Variants in CFAP47 observed in about 807,000 individuals in gnomAD.
The protein encoded by CFAP47 is cilia and flagella associated protein 47.
Under a neutral mutation model 148.1 loss-of-function variants are expected in CFAP47, and 29 were observed. The observed-to-expected ratio is 0.20, with a 90% confidence interval of 0.15 to 0.27. The LOEUF (loss-of-function observed/expected upper bound fraction) is 0.27, where lower values mean the gene tolerates loss of function less well. Ranked by LOEUF, CFAP47 falls within the 10% of genes least tolerant of loss-of-function variation. The pLI, the probability that CFAP47 is intolerant of heterozygous loss-of-function variation, is 1.00. For synonymous variants in CFAP47, 664 were observed against 577.3 expected (o/e 1.15, Z -2.15); for missense variants, 1,872 against 1,697.5 (o/e 1.10, Z -1.81).
intron 62 of CFAP47, among the ~76,000 whole-genome samples, chrX:36,371,764 G>A (rs868916517): frequency 1.3e-3 from 64 of 50,271 alleles, no homozygotes; most frequent in Non-Finnish European, 1.6e-3. Context: ...ACACATGTGT[G>A]TATATACACA....
chrX:36,314,014 C>A (rs1941414109), intron 56 of CFAP47, among the ~76,000 whole-genome samples: 1 of 111,190 alleles, frequency 9.0e-6, no homozygotes, highest in African/African-American at 3.3e-5. Context: ...AATAAAATAC[C>A]CAAATTTCTA....
chrX:36,352,832 G>T lies in CFAP47; in HGVS notation c.8699-697G>T, dbSNP rs782267299. On this transcript the variant is annotated intron_variant, in intron 59 of 63. Transcript: ENST00000378653. ...TAAAATATTGGAATTTAATACATAT[G>T]AAATATATTTATATATATATATTTA... Among the ~76,000 whole-genome samples the T allele has an allele frequency of 1.5e-4, 16 of 108,519 alleles. No individual in the cohort carries two copies. In the South Asian group the frequency reaches 6.0e-3, roughly 41 times the overall value. 94.2% of individuals were successfully genotyped at this position (108,519 alleles called of 115,157 possible).
chrX:36,239,236 T>C (rs1555995496), intron 48 of CFAP47, among the ~76,000 whole-genome samples: 1 of 112,525 alleles, frequency 8.9e-6, no homozygotes, highest in Non-Finnish European at 1.9e-5. Context: ...GTAAATTCAT[T>C]TTTTAAAGAA....
chrX:36,275,713 G>C (rs1300943049), intron 49 of CFAP47, among the ~76,000 whole-genome samples: 2 of 110,769 alleles, frequency 1.8e-5, no homozygotes, highest in Non-Finnish European at 3.8e-5. Flanking sequence ...TCTAGAATGA[G>C]TTAGTAAGTG....
chrX:36,158,708 G>C (rs1309817255), intron 37 of CFAP47, among the ~76,000 whole-genome samples: 3 of 111,903 alleles, frequency 2.7e-5, no homozygotes, highest in African/African-American at 9.7e-5. Context: ...TCCTAGAGCA[G>C]CAATTCGTGA....
chrX:36,166,808 TC>T (rs1261549704), intron 39 of CFAP47, among the ~76,000 whole-genome samples: 1 of 111,313 alleles, frequency 9.0e-6, no homozygotes, highest in Non-Finnish European at 1.9e-5. Flanking sequence ...GATGTCTATC[TC>T]CCCCTGCTCA....
chrX:35,983,459 G>A lies in CFAP47; in HGVS notation c.2714-5860G>A, dbSNP rs769180960. 5.5e-4 allele frequency among the ~76,000 whole-genome samples: 61 copies of A among 111,565 alleles called. No individual in the cohort carries two copies. The Middle Eastern group carries it at 0.019, about 34-fold the overall frequency. On this transcript the variant is annotated intron_variant, in intron 15 of 63. Coordinates refer to ENST00000378653, the MANE Select transcript of CFAP47 (RefSeq NM_001304548.2). ...TTTTATTTATTTCTCTTGCTTGATT[G>A]CTCTGGCTAGGACTTCTAGCACTAC...
At position 36,365,413 on chromosome X, in the gene CFAP47, G is replaced by A. The variant is rs1004583147; in HGVS notation, c.9024-1553G>A. Reference sequence around the variant, plus strand: ...TACATCACTTCTTGAAATCTTAGAGGCATTTCTCCAGAGGAAAGTACCAAT... The same window carrying A: ...TACATCACTTCTTGAAATCTTAGAGACATTTCTCCAGAGGAAAGTACCAAT... On this transcript the variant is annotated intron_variant, in intron 61 of 63. Coordinates refer to ENST00000378653, the MANE Select transcript of CFAP47 (RefSeq NM_001304548.2). Among the ~76,000 whole-genome samples the A allele has an allele frequency of 3.6e-5, 4 of 110,099 alleles. No homozygotes were observed. In the East Asian group the frequency reaches 8.6e-4, roughly 24 times the overall value.
At position 35,977,652 on chromosome X, in the gene CFAP47, T is replaced by C. The variant is rs138735887; in HGVS notation, c.2713+1739T>C. Among the ~76,000 whole-genome samples the C allele has an allele frequency of 4.8e-3, 538 of 111,653 alleles. 3 individuals are homozygous for C. The highest frequency in any genetic ancestry group is 0.017 in the African/African-American group (513 of 30,744). ...TTAGGGTCTAAATAGAAATATACTA[T>C]ACTTCATATTTCAGACGAGTCCTGG... is the stretch of plus-strand genomic sequence containing the variant. On this transcript the variant is annotated intron_variant, in intron 15 of 63. Transcript: ENST00000378653.
chrX:36,233,224 C>T (rs1940395639), intron 46 of CFAP47, among the ~76,000 whole-genome samples: 1 of 111,159 alleles, frequency 9.0e-6, no homozygotes, highest in East Asian at 2.8e-4. Context: ...GTGTTAAAGT[C>T]TCCCATTATT....
chrX:36,201,173 A>G, intron 43 of CFAP47, 101 bp from the exon 44 acceptor site: 1 of 292,032 alleles, frequency 3.4e-6, no homozygotes. Flanking sequence ...AATGACCATA[A>G]CTGCAATTTT....
rs1358514000 is a variant in CFAP47, at chrX:35,993,183, A to T, written c.2968-7A>T. ...AATGTATCATTTCTGCAAATTTTCA[A>T]TTACAGGTTTGTAGTCAGAGTCTTT... On this transcript the variant is annotated splice_region_variant and splice_polypyrimidine_tract_variant and intron_variant, in intron 17 of 63. Transcript: ENST00000378653. The T allele has an allele frequency of 3.4e-6, 1 of 293,344 alleles. No individual in the cohort carries two copies. Among genetic ancestry groups the T allele is most frequent in the African/African-American group, 2.7e-5 (1 of 36,388 alleles). The allele number at this position is 293,344 out of a possible 1,213,427, so 24.2% of individuals were successfully genotyped here. A position where few individuals can be genotyped will look rare whatever the true frequency, so the allele number is the denominator to read the frequency against.
At chrX:36,118,051 A>G (rs1158046490) in intron 33 of CFAP47, among the ~76,000 whole-genome samples, 1 of 111,506 alleles carries the variant, frequency 9.0e-6, no homozygotes, top group Non-Finnish European at 1.9e-5. Context: ...AGCTCACTGT[A>G]GATATGTGGA....
intron 50 of CFAP47, among the ~76,000 whole-genome samples, chrX:36,280,849 G>GGGTGCCCA (rs1182153729): frequency 2.7e-5 from 3 of 111,777 alleles, no homozygotes; most frequent in Admixed American, 9.6e-5. Flanking sequence ...TCAGCTAGAA[G>GGGTGCCCA]GGTGCCCACT....
chrX:36,375,995 G>A (rs1446125209), intron 62 of CFAP47, among the ~76,000 whole-genome samples: 1 of 112,064 alleles, frequency 8.9e-6, no homozygotes, highest in Admixed American at 9.5e-5. Flanking sequence ...GAAGCAAGAG[G>A]CCAGAGCAGG....
At chrX:36,244,444 G>A (rs1477517225) in intron 48 of CFAP47, among the ~76,000 whole-genome samples, 1 of 110,913 alleles carries the variant, frequency 9.0e-6, no homozygotes, top group Non-Finnish European at 1.9e-5. Flanking sequence ...ATAAAATCAA[G>A]TGTTGGCTCT....
At chrX:36,350,230 A>G (rs1457906523) in intron 59 of CFAP47, 98 bp downstream of exon 59, 45 of 529,819 alleles carry the variant, frequency 8.5e-5, no homozygotes, top group Non-Finnish European at 1.4e-4. Flanking sequence ...GAAAGTAGGT[A>G]GTAATGTGAA....
At chrX:36,375,908 C>T (rs1942018600) in intron 62 of CFAP47, among the ~76,000 whole-genome samples, 1 of 111,788 alleles carries the variant, frequency 8.9e-6, no homozygotes, top group African/African-American at 3.3e-5. Flanking sequence ...ACTGTATGAT[C>T]CATGGTTGCA....
At chrX:36,084,309 C>A (rs758081006) in intron 29 of CFAP47, among the ~76,000 whole-genome samples, 4 of 111,402 alleles carry the variant, frequency 3.6e-5, no homozygotes, top group African/African-American at 1.3e-4. Flanking sequence ...TATTAATTTT[C>A]TCCATAAAAT....
Sources: gnomAD v4.1 joint callset for allele counts (sites outside exome capture counted in the v4.1 genomes callset) on GRCh38, gnomAD v4.1.1 for gene constraint, MANE v1.5 for transcripts, NCBI Gene and HGNC (gene_info 2026-07-23, HGNC 2026-07-21) for gene names.